Variants in NKAIN3 observed in about 807,000 individuals in gnomAD.
NKAIN3 encodes sodium/potassium transporting ATPase interacting 3.
Under a neutral mutation model 30.2 loss-of-function variants are expected in NKAIN3, and 25 were observed. That is an observed-to-expected ratio of 0.83 (90% CI 0.60 to 1.16). The LOEUF is 1.16. Among genes scored for constraint, NKAIN3 ranks in the 50% most tolerant of loss-of-function variants. The pLI is 0.00. For missense variants in NKAIN3, 225 were observed against 254.1 expected (o/e 0.89, Z 0.78); for synonymous variants, 91 against 89.6 (o/e 1.02, Z -0.09).
intron 1 of NKAIN3, among the ~76,000 whole-genome samples, chr8:62,452,498 A>G (rs1398704406): frequency 6.6e-6 from 1 of 151,886 alleles, no homozygotes; most frequent in Non-Finnish European, 1.5e-5. Flanking sequence ...ATAAATAAAT[A>G]AACAAACAAA....
chr8:62,441,563 G>C (rs1805325800), intron 1 of NKAIN3, among the ~76,000 whole-genome samples: 1 of 151,486 alleles, frequency 6.6e-6, no homozygotes, highest in African/African-American at 2.4e-5. Flanking sequence ...TTTTTTACTT[G>C]ATTATGCCTG....
At chr8:62,328,447 T>A (rs549367112) in intron 1 of NKAIN3, among the ~76,000 whole-genome samples, 1 of 152,220 alleles carries the variant, frequency 6.6e-6, no homozygotes, top group South Asian at 2.1e-4. Context: ...CATGAGAAAC[T>A]GTGGGTAGCA....
intron 2 of NKAIN3, among the ~76,000 whole-genome samples, chr8:62,583,165 T>G (rs184141402): frequency 1.3e-5 from 2 of 152,168 alleles, no homozygotes; most frequent in Non-Finnish European, 2.9e-5. Context: ...GCTCAGTACA[T>G]ACTTATTGAT....
intron 3 of NKAIN3, among the ~76,000 whole-genome samples, chr8:62,737,155 T>C (rs1563538592): frequency 1.3e-5 from 2 of 152,198 alleles, no homozygotes; most frequent in South Asian, 4.1e-4. Context: ...GTTCATGATA[T>C]GAGTTTCCAT....
At chr8:62,379,274 T>C (rs541870044) in intron 1 of NKAIN3, among the ~76,000 whole-genome samples, 19 of 152,312 alleles carry the variant, frequency 1.2e-4, no homozygotes, top group South Asian at 8.3e-4. Flanking sequence ...TTTACAGGCT[T>C]ATAGGCAGAA....
At chr8:62,343,334 A>G (rs1310154820) in intron 1 of NKAIN3, among the ~76,000 whole-genome samples, 1 of 152,080 alleles carries the variant, frequency 6.6e-6, no homozygotes, top group Non-Finnish European at 1.5e-5. Flanking sequence ...TCTGCCTGGC[A>G]TAGAGTCAGC....
At chr8:62,927,356 T>C (rs1243711152) in intron 5 of NKAIN3, among the ~76,000 whole-genome samples, 2 of 152,216 alleles carry the variant, frequency 1.3e-5, no homozygotes, top group Non-Finnish European at 2.9e-5. Context: ...TTCCAGAAAA[T>C]CGCATCTCTT....
At chr8:62,304,244 C>A (rs572110573) in intron 1 of NKAIN3, among the ~76,000 whole-genome samples, 1 of 150,512 alleles carries the variant, frequency 6.6e-6, no homozygotes, top group African/African-American at 2.5e-5. Flanking sequence ...AGTGCTCTCT[C>A]AGCCCCAATC....
chr8:62,587,284 A>G (rs1810506516), intron 2 of NKAIN3, among the ~76,000 whole-genome samples: 1 of 152,016 alleles, frequency 6.6e-6, no homozygotes, highest in East Asian at 1.9e-4. Context: ...GTTCTCAGCA[A>G]AGAAACACAA....
chr8:62,701,959 G>A (rs1814352910), intron 3 of NKAIN3, among the ~76,000 whole-genome samples: 2 of 152,150 alleles, frequency 1.3e-5, no homozygotes, highest in Admixed American at 1.3e-4. Context: ...CACTGGGGGC[G>A]TCTTTTTCCT....
chr8:62,667,980 C>T (rs762311387), intron 3 of NKAIN3, among the ~76,000 whole-genome samples: 4 of 152,100 alleles, frequency 2.6e-5, no homozygotes, highest in Non-Finnish European at 4.4e-5. Context: ...CTTCTGCCCC[C>T]GCATCTCCTC....
intron 5 of NKAIN3, among the ~76,000 whole-genome samples, chr8:62,946,291 C>T (rs1823124163): frequency 6.6e-6 from 1 of 152,172 alleles, no homozygotes; most frequent in Non-Finnish European, 1.5e-5. Flanking sequence ...GTCAAGTCCA[C>T]TGTGCCCAGC....
intron 1 of NKAIN3, among the ~76,000 whole-genome samples, chr8:62,448,099 A>G (rs1271130344): frequency 1.3e-5 from 2 of 151,934 alleles, no homozygotes; most frequent in African/African-American, 2.4e-5. Context: ...ATAATGAACA[A>G]ATTGATTGTT....
chr8:62,580,532 C>G (rs1266466459), intron 2 of NKAIN3, among the ~76,000 whole-genome samples: 1 of 152,126 alleles, frequency 6.6e-6, no homozygotes, highest in Non-Finnish European at 1.5e-5. Flanking sequence ...TATTGCCTCA[C>G]TAGAAGAAAA....
intron 3 of NKAIN3, among the ~76,000 whole-genome samples, chr8:62,721,188 T>C (rs980159011): frequency 4.6e-5 from 7 of 152,094 alleles, no homozygotes; most frequent in Non-Finnish European, 7.4e-5. Flanking sequence ...AATATGACTT[T>C]CCCCAAATAG....
At chr8:62,509,608 G>A (rs1164061345) in intron 1 of NKAIN3, among the ~76,000 whole-genome samples, 1 of 152,088 alleles carries the variant, frequency 6.6e-6, no homozygotes, top group African/African-American at 2.4e-5. Context: ...TCACTAAATT[G>A]CCATGAGACA....
intron 1 of NKAIN3, among the ~76,000 whole-genome samples, chr8:62,507,242 G>C (rs1000608789): frequency 6.6e-6 from 1 of 152,154 alleles, no homozygotes; most frequent in Non-Finnish European, 1.5e-5. Context: ...GAAGATTTCC[G>C]ATTCCAGTCT....
At chr8:62,726,608 C>T (rs1395020769) in intron 3 of NKAIN3, among the ~76,000 whole-genome samples, 1 of 151,912 alleles carries the variant, frequency 6.6e-6, no homozygotes, top group Non-Finnish European at 1.5e-5. Context: ...GTTTGGTTTG[C>T]ATATATTGAA....
At chr8:62,255,058 C>T (rs1812223454) in intron 1 of NKAIN3, among the ~76,000 whole-genome samples, 1 of 152,100 alleles carries the variant, frequency 6.6e-6, no homozygotes, top group Non-Finnish European at 1.5e-5. Flanking sequence ...CCCCATACCT[C>T]AGAATGTGAT....
Sources: gnomAD v4.1 joint callset for allele counts (sites outside exome capture counted in the v4.1 genomes callset) on GRCh38, gnomAD v4.1.1 for gene constraint, MANE v1.5 for transcripts, NCBI Gene and HGNC (gene_info 2026-07-23, HGNC 2026-07-21) for gene names.